Variants in OSBP2 observed in about 807,000 individuals in gnomAD.
OSBP2 encodes oxysterol-binding protein 2.
In OSBP2, 66 loss-of-function variants were observed where a neutral mutation model predicts 96.0. The ratio of observed to expected loss-of-function variants is 0.69; its 90% CI spans 0.56 to 0.84. The LOEUF is 0.84. Ranked by LOEUF, OSBP2 falls within the 40% of genes least tolerant of loss-of-function variation. The pLI is 0.00. For synonymous variants in OSBP2, 525 were observed against 520.9 expected (o/e 1.01, Z -0.11); for missense variants, 1,038 against 1,222.7 (o/e 0.85, Z 2.25).
chr22:30,782,559 A>G (rs2090531894), intron 2 of OSBP2, among the ~76,000 whole-genome samples: 1 of 152,132 alleles, frequency 6.6e-6, no homozygotes, highest in Admixed American at 6.6e-5. Flanking sequence ...ACCCAGTGTA[A>G]CTGTTTTGAA....
chr22:30,835,402 T>A (rs2038610659), intron 2 of OSBP2, among the ~76,000 whole-genome samples: 1 of 152,188 alleles, frequency 6.6e-6, no homozygotes, highest in Admixed American at 6.5e-5. Context: ...TCTCCCCATT[T>A]AATTATCTTA....
chr22:30,755,081 G>A (rs528452820), intron 2 of OSBP2, among the ~76,000 whole-genome samples: 7 of 152,198 alleles, frequency 4.6e-5, no homozygotes, highest in African/African-American at 7.2e-5. Context: ...CATCTCCAAC[G>A]CCCTAGCCAG....
chr22:30,794,652 A>G (rs16989115), intron 2 of OSBP2, among the ~76,000 whole-genome samples: 7,209 of 151,594 alleles, frequency 0.048, 369 homozygotes, highest in African/African-American at 0.13. Flanking sequence ...GCTACTTCCC[A>G]GACAATTTAA....
In OSBP2 at chr22:30,906,413, C is replaced by CA; in HGVS notation, c.*74_*75insA. ...GTTCATTAATGCACTCAATTTAGTA[C>CA]TGAATGGTCTTTCTCCCAGCCCATT... is the stretch of plus-strand genomic sequence containing the variant. On this transcript the variant is annotated 3_prime_UTR_variant, in exon 14 of 14. Coordinates refer to ENST00000332585, the MANE Select transcript of OSBP2 (RefSeq NM_030758.4). 4 of 1,454,468 alleles carry CA rather than the reference C, an allele frequency of 2.8e-6. No homozygotes were observed. In the South Asian group the frequency reaches 5.8e-5, roughly 21 times the overall value. 90.1% of individuals were successfully genotyped at this position (1,454,468 alleles called of 1,614,324 possible).
At chr22:30,763,637 GAAAAA>G (rs136338) in intron 2 of OSBP2, among the ~76,000 whole-genome samples, 2 of 130,964 alleles carry the variant, frequency 1.5e-5, no homozygotes, top group African/African-American at 5.8e-5. Flanking sequence ...CAGAGTGACA[GAAAAA>G]AAAAAAAAAA....
intron 2 of OSBP2, among the ~76,000 whole-genome samples, chr22:30,849,201 T>A (rs934173460): frequency 6.6e-6 from 1 of 151,956 alleles, no homozygotes; most frequent in Non-Finnish European, 1.5e-5. Context: ...CCAAGGAGAT[T>A]AAGAGTGTAG....
intron 2 of OSBP2, among the ~76,000 whole-genome samples, chr22:30,760,619 C>A (rs1017259215): frequency 2.6e-5 from 4 of 152,076 alleles, no homozygotes; most frequent in African/African-American, 9.7e-5. Flanking sequence ...AGTTCAAGAG[C>A]AGCTTGGCCA....
intron 2 of OSBP2, among the ~76,000 whole-genome samples, chr22:30,867,810 T>C (rs1364927530): frequency 1.3e-5 from 2 of 152,204 alleles, no homozygotes; most frequent in South Asian, 2.1e-4. Flanking sequence ...TCACTGTACC[T>C]CTCACCAGCT....
chr22:30,821,359 G>A (rs1322621101), intron 2 of OSBP2, among the ~76,000 whole-genome samples: 1 of 152,194 alleles, frequency 6.6e-6, no homozygotes, highest in Non-Finnish European at 1.5e-5. Flanking sequence ...CAGGCAAGAC[G>A]AGGGCGTAGC....
At chr22:30,742,209 G>C (rs916146656) in intron 2 of OSBP2, among the ~76,000 whole-genome samples, 3 of 151,254 alleles carry the variant, frequency 2.0e-5, no homozygotes, top group Non-Finnish European at 4.4e-5. Context: ...GCGGCAGGTG[G>C]ATCACGAGGT....
Position 30,881,682 on chromosome 22 carries a change from G to T in OSBP2, c.1108-5744G>T, listed in dbSNP as rs936022210. The T allele has an allele frequency of 1.5e-6, 2 of 1,304,106 alleles. No individual in the cohort carries two copies. Among genetic ancestry groups the T allele is most frequent in the Non-Finnish European group, 2.0e-6 (2 of 988,910 alleles). 80.8% of individuals were successfully genotyped at this position (1,304,106 alleles called of 1,614,324 possible). ...AGCACACAGCACACAGCCCAGCTCAGCATTCTGAGAACAGCAGGGCCACGC... is the reference window on the plus strand; with the variant it reads ...AGCACACAGCACACAGCCCAGCTCATCATTCTGAGAACAGCAGGGCCACGC... On this transcript the variant is annotated intron_variant, in intron 3 of 13. Coordinates refer to ENST00000332585, the MANE Select transcript of OSBP2 (RefSeq NM_030758.4). The surrounding 1 kb of genome is among the most constrained non-coding windows in gnomAD (Gnocchi z 4.5).
At position 30,905,952 on chromosome 22, in the gene OSBP2, A is replaced by G; in HGVS notation, c.2491A>G (p.Lys831Glu). ...RLRPDQRLMEKGRWDEANTEK... is the reference protein window; with the variant it reads ...RLRPDQRLMEEGRWDEANTEK... ...GCGGCCCGACCAGCGGCTGATGGAG[A>G]AGGGCCGTTGGGACGAGGCCAATAC... Residue 831 changes from lysine to glutamate, a missense_variant, in exon 13 of 14, where the codon AAG (lysine) becomes GAG (glutamate). Lys to Glu is a moderately conservative substitution (Grantham distance 56, BLOSUM62 1). Transcript: ENST00000332585. 1 of 1,611,984 alleles carries G rather than the reference A, an allele frequency of 6.2e-7. No individual in the cohort carries two copies. The highest frequency in any genetic ancestry group is 1.1e-5 in the South Asian group (1 of 90,928).
intron 1 of OSBP2, among the ~76,000 whole-genome samples, chr22:30,728,555 G>A (rs1328803422): frequency 1.3e-5 from 2 of 152,000 alleles, no homozygotes; most frequent in African/African-American, 4.8e-5. Flanking sequence ...AGAGTACAGT[G>A]GTACAATCAT....
chr22:30,802,820 G>A (rs1039921188), intron 2 of OSBP2, among the ~76,000 whole-genome samples: 6 of 152,246 alleles, frequency 3.9e-5, no homozygotes, highest in Middle Eastern at 3.2e-3. Context: ...CTGGAGGAAT[G>A]AGGACGCAGC....
intron 1 of OSBP2, among the ~76,000 whole-genome samples, chr22:30,727,075 C>T (rs1180721176): frequency 1.3e-5 from 2 of 152,166 alleles, no homozygotes; most frequent in African/African-American, 4.8e-5. Flanking sequence ...TGGCTGTGTC[C>T]TGTGGAGCCC....
At chr22:30,773,787 A>G (rs932870421) in intron 2 of OSBP2, among the ~76,000 whole-genome samples, 4 of 152,064 alleles carry the variant, frequency 2.6e-5, no homozygotes, top group Non-Finnish European at 1.5e-5. Context: ...TGGAAAAGCA[A>G]GTCCTTCCAA....
chr22:30,878,770 G>A (rs2039637331), intron 3 of OSBP2, among the ~76,000 whole-genome samples: 1 of 152,176 alleles, frequency 6.6e-6, no homozygotes. Flanking sequence ...GGGCTGGCTG[G>A]GCAGTATGGG....
chr22:30,787,795 G>A (rs1322050076), intron 2 of OSBP2, among the ~76,000 whole-genome samples: 1 of 152,196 alleles, frequency 6.6e-6, no homozygotes, highest in Non-Finnish European at 1.5e-5. Context: ...TTTGGGTGGG[G>A]ACACAAAGCC....
chr22:30,711,258 T>C (rs1461608210), intron 1 of OSBP2, among the ~76,000 whole-genome samples: 1 of 151,920 alleles, frequency 6.6e-6, no homozygotes. Flanking sequence ...AGCTAGGAAA[T>C]ATCTATATTT....
Sources: allele counts gnomAD v4.1 joint callset (sites outside exome capture counted in the v4.1 genomes callset), GRCh38; gene constraint gnomAD v4.1.1; non-coding constraint Gnocchi (gnomAD v3.1); transcripts MANE v1.5; gene names NCBI Gene and HGNC (gene_info 2026-07-23, HGNC 2026-07-21).